The following THOC5 variants were observed in gnomAD, a reference collection of about 807,000 sequenced individuals.
THOC5 encodes THO complex subunit 5.
Under a neutral mutation model 92.9 loss-of-function variants are expected in THOC5, and 43 were observed. That is an observed-to-expected ratio of 0.46 (90% confidence interval 0.36 to 0.60). The LOEUF (loss-of-function observed/expected upper bound fraction) is 0.60. Among genes scored for constraint, THOC5 ranks in the 20% least tolerant of loss-of-function variants. The probability of loss-of-function intolerance (pLI) is 0.00; values close to 1 mark genes in which losing one functional copy is unlikely to be tolerated. For synonymous variants in THOC5, 296 were observed against 320.1 expected (o/e 0.92, Z 0.80); for missense variants, 659 against 849.4 (o/e 0.78, Z 2.79).
chr22:29,527,402 AGAGT>A (rs2063566017), intron 11 of THOC5, among the ~76,000 whole-genome samples: 1 of 152,186 alleles, frequency 6.6e-6, no homozygotes, highest in African/African-American at 2.4e-5. Flanking sequence ...CTGGATGACG[AGAGT>A]GAGACCCTAT....
chr22:29,521,488 C>T (rs1043248856), intron 12 of THOC5, among the ~76,000 whole-genome samples: 9 of 152,252 alleles, frequency 5.9e-5, no homozygotes, highest in African/African-American at 2.2e-4. Context: ...GGAGCAAAGT[C>T]CCATGACACC....
chr22:29,537,483 A>G (rs1435476782), intron 6 of THOC5, among the ~76,000 whole-genome samples: 2 of 152,210 alleles, frequency 1.3e-5, no homozygotes, highest in African/African-American at 2.4e-5. Context: ...CTACTAAAAT[A>G]CAAAAATTAG....
In THOC5 at chr22:29,508,454, A is replaced by G; in HGVS notation, c.*3T>C. 3 of 1,614,186 alleles carry G rather than the reference A, an allele frequency of 1.9e-6. No homozygotes were observed. The highest frequency in any genetic ancestry group is 1.7e-6 in the Non-Finnish European group (2 of 1,180,002). On this transcript the variant is annotated 3_prime_UTR_variant, in exon 20 of 20. Transcript: ENST00000490103. ...TGGGGGAAACAACGGTCTGCGCGGGAGATCAGCGATGGCTGAAGAATCCCT... is the reference window on the plus strand; with the variant it reads ...TGGGGGAAACAACGGTCTGCGCGGGGGATCAGCGATGGCTGAAGAATCCCT...
chr22:29,514,195 C>G (rs186883615), intron 17 of THOC5, among the ~76,000 whole-genome samples: 1 of 152,184 alleles, frequency 6.6e-6, no homozygotes, highest in Non-Finnish European at 1.5e-5. Flanking sequence ...GTGATCCACC[C>G]GCCTCCACCT....
chr22:29,528,348 G>A lies in THOC5; in HGVS notation c.966+78C>T, dbSNP rs2063585117. 3.1e-6 allele frequency: 5 copies of A among 1,614,034 alleles called. No individual in the cohort carries two copies. The South Asian group carries it at 4.4e-5, about 14-fold the overall frequency. On this transcript the variant is annotated intron_variant, in intron 10 of 19. Transcript: ENST00000490103. ...TCTTTCACACCTCTTCTGCTTCTAG[G>A]GAGGACGGCACCTGCGAACAAGCAT...
At chr22:29,551,481 T>C (rs2064142636) in intron 1 of THOC5, among the ~76,000 whole-genome samples, 1 of 152,086 alleles carries the variant, frequency 6.6e-6, no homozygotes, top group South Asian at 2.1e-4. Flanking sequence ...GGCTCACACC[T>C]GTAATCCCAA....
In THOC5 at chr22:29,517,298, C is replaced by G. The variant is rs779292136; in HGVS notation, c.1558G>C (p.Val520Leu). ...LFPAKVVSRL[V>L]KWVTVAHEDY... is the part of the protein sequence containing the mutation. Reference sequence around the variant, plus strand: ...TCATGGGCAACTGTCACCCATTTCACCAGGCGAGAGACAACCTTGGCAGGG... The same window carrying G: ...TCATGGGCAACTGTCACCCATTTCAGCAGGCGAGAGACAACCTTGGCAGGG... The change falls in exon 16 of 20, where the codon GTG becomes CTG. Residue 520 changes from valine to leucine, a missense_variant. Coordinates refer to ENST00000490103, the MANE Select transcript of THOC5 (RefSeq NM_003678.5). The G allele has an allele frequency of 1.2e-6, 2 of 1,614,226 alleles. No individual in the cohort carries two copies. The highest frequency in any genetic ancestry group is 1.1e-5 in the South Asian group (1 of 91,084).
At position 29,549,136 on chromosome 22, in the gene THOC5, T is replaced by C; in HGVS notation, c.12A>G (p.Glu4=). MSS[E]SSKKRKPKVI... ...CTTTGGGCTTCCGTTTTTTGCTCGA[T>C]TCTGATGACATGGTTGTTCCTCCTG... Residue 4 remains glutamate, a synonymous_variant, in exon 2 of 20, where the codon GAA becomes GAG. Transcript: ENST00000490103. 1 of 1,614,198 alleles carries C rather than the reference T, an allele frequency of 6.2e-7. No individual in the cohort carries two copies. The highest frequency in any genetic ancestry group is 2.2e-5 in the East Asian group (1 of 44,880).
chr22:29,538,937 C>A (rs2063819816), intron 6 of THOC5, among the ~76,000 whole-genome samples: 1 of 151,016 alleles, frequency 6.6e-6, no homozygotes, highest in African/African-American at 2.4e-5. Flanking sequence ...ATGGTGAAAC[C>A]CCATCTCTAC....
intron 17 of THOC5, among the ~76,000 whole-genome samples, chr22:29,515,292 T>C (rs529933874): frequency 2.6e-4 from 39 of 152,320 alleles, no homozygotes; most frequent in Admixed American, 1.1e-3. Flanking sequence ...TCTGCCCACC[T>C]CAGCCTCCCA....
intron 15 of THOC5, among the ~76,000 whole-genome samples, chr22:29,518,195 A>C (rs1478552858): frequency 6.6e-6 from 1 of 152,062 alleles, no homozygotes; most frequent in Non-Finnish European, 1.5e-5. Context: ...CACCATGCCC[A>C]GCTAATTTTT....
intron 1 of THOC5, among the ~76,000 whole-genome samples, chr22:29,552,868 G>A (rs1391304841): frequency 1.3e-5 from 2 of 152,070 alleles, no homozygotes; most frequent in African/African-American, 2.4e-5. Flanking sequence ...AGGTGGACAA[G>A]GGAGACTCCA....
rs774766536 is a variant in THOC5, at chr22:29,508,426, C to G, written c.*31G>C. On this transcript the variant is annotated 3_prime_UTR_variant, in exon 20 of 20. Coordinates refer to ENST00000490103, the MANE Select transcript of THOC5 (RefSeq NM_003678.5). ...CAGAAGCCCAGTGCTCAGGGTGAGG[C>G]CTTGGGGGAAACAACGGTCTGCGCG... The G allele has an allele frequency of 1.9e-6, 3 of 1,611,422 alleles. No homozygotes were observed. Among genetic ancestry groups the G allele is most frequent in the South Asian group, 2.2e-5 (2 of 91,034 alleles).
intron 9 of THOC5, chr22:29,528,865 T>C (rs2063597145): frequency 3.9e-6 from 2 of 512,268 alleles, no homozygotes; most frequent in Admixed American, 7.1e-5. Context: ...TTAATCCACA[T>C]AACAATCCTA....
chr22:29,514,002 G>A (rs1362809942), intron 17 of THOC5: 1 of 143,532 alleles, frequency 7.0e-6, no homozygotes, highest in Non-Finnish European at 1.5e-5. Flanking sequence ...CAAGGCTAGA[G>A]TGCAATGGCC....
At chr22:29,508,551 A>C (rs1429248416) in intron 19 of THOC5, 31 bp from the exon 20 acceptor site, 1 of 1,572,130 alleles carries the variant, frequency 6.4e-7, no homozygotes, top group South Asian at 1.1e-5. Flanking sequence ...AGTTGTTAAT[A>C]ACACACCTTC....
intron 15 of THOC5, among the ~76,000 whole-genome samples, chr22:29,518,562 T>C (rs2063377397): frequency 6.6e-6 from 1 of 152,190 alleles, no homozygotes; most frequent in Non-Finnish European, 1.5e-5. Context: ...AGTTGCTCCC[T>C]GGATAGCTAT....
intron 8 of THOC5, chr22:29,531,081 G>C (rs1313228245): frequency 1.1e-5 from 13 of 1,146,832 alleles, no homozygotes; most frequent in African/African-American, 1.7e-5. Context: ...TACTCACCCT[G>C]TCTAGGGGGC....
intron 17 of THOC5, 88 bp downstream of exon 17, chr22:29,516,941 G>A (rs911015487): frequency 1.0e-5 from 13 of 1,303,048 alleles, no homozygotes; most frequent in Non-Finnish European, 1.3e-5. Flanking sequence ...CAGGACTCCA[G>A]GATCTTCTGC....
Sources: allele counts gnomAD v4.1 joint callset (sites outside exome capture counted in the v4.1 genomes callset), GRCh38; gene constraint gnomAD v4.1.1; transcripts MANE v1.5; gene names NCBI Gene and HGNC (gene_info 2026-07-23, HGNC 2026-07-21).